KNTC1: variants seen among roughly 807,000 people sequenced by gnomAD.
The protein encoded by KNTC1 is kinetochore-associated protein 1.
KNTC1 carries 253 observed loss-of-function variants against 314.4 expected under a neutral mutation model. The ratio of observed to expected loss-of-function variants is 0.80; its 90% confidence interval spans 0.73 to 0.89. The LOEUF is 0.89. Among genes scored for constraint, KNTC1 ranks in the 40% least tolerant of loss-of-function variants. The probability of loss-of-function intolerance (pLI) is 0.00; values close to 1 mark genes in which losing one functional copy is unlikely to be tolerated. For synonymous variants in KNTC1, 901 were observed against 901.4 expected, an observed-to-expected ratio of 1.00 and a Z score of 0.01; for missense variants, 2,475 against 2,572.9, an observed-to-expected ratio of 0.96 and a Z score of 0.82.
At chr12:122,610,932 T>C (rs751326380) in intron 53 of KNTC1, 32 bp downstream of exon 53, 2 of 1,472,006 alleles carry the variant, frequency 1.4e-6, no homozygotes, top group Non-Finnish European at 1.9e-6. Flanking sequence ...CAAACTCTTC[T>C]GTGCATCTCA....
chr12:122,537,118 C>T (rs2137677412), intron 3 of KNTC1, among the ~76,000 whole-genome samples: 1 of 152,286 alleles, frequency 6.6e-6, no homozygotes, highest in Non-Finnish European at 1.5e-5. Flanking sequence ...TGTCCCTTCC[C>T]TCTTTGCTTT....
At chr12:122,619,476 C>T (rs896231752) in intron 59 of KNTC1, among the ~76,000 whole-genome samples, 1 of 151,500 alleles carries the variant, frequency 6.6e-6, no homozygotes, top group African/African-American at 2.4e-5. Flanking sequence ...GCAGTGGCGC[C>T]ATCTCGGCTC....
At position 122,546,602 on chromosome 12, in the gene KNTC1, T is replaced by A. The variant is rs766661927; in HGVS notation, c.764-20T>A. On this transcript the variant is annotated intron_variant, in intron 9 of 63. Transcript: ENST00000333479. Reference sequence around the variant, plus strand: ...AATATTGAAATAAAATCCTGAGACATCTTATTTTCTCTTTTGTAGGTGCAA... The same window carrying A: ...AATATTGAAATAAAATCCTGAGACAACTTATTTTCTCTTTTGTAGGTGCAA... 3 of 1,504,930 alleles carry A rather than the reference T, an allele frequency of 2.0e-6. No individual in the cohort carries two copies. In the South Asian group the frequency reaches 3.6e-5, roughly 18 times the overall value. 93.2% of individuals were successfully genotyped at this position (1,504,930 alleles called of 1,614,324 possible).
intron 52 of KNTC1, 23 bp downstream of exon 52, chr12:122,609,453 T>A (rs1483292511): frequency 5.5e-6 from 8 of 1,446,930 alleles, no homozygotes; most frequent in African/African-American, 1.4e-5. Context: ...TTTACTTATA[T>A]TCACCTATAT....
At chr12:122,614,745 A>T (rs993095116) in intron 55 of KNTC1, among the ~76,000 whole-genome samples, 1 of 151,960 alleles carries the variant, frequency 6.6e-6, no homozygotes, top group Non-Finnish European at 1.5e-5. Flanking sequence ...TCCAGGCATG[A>T]TGGCGGCCGC....
intron 20 of KNTC1, among the ~76,000 whole-genome samples, chr12:122,565,252 TAAA>T (rs35980710): frequency 1.2e-3 from 164 of 131,784 alleles, no homozygotes; most frequent in Middle Eastern, 3.8e-3. Flanking sequence ...TTTTTTTTTT[TAAA>T]AAAAAAAAAA....
intron 44 of KNTC1, 92 bp from the exon 45 acceptor site, chr12:122,601,444 A>G: frequency 4.5e-6 from 5 of 1,113,822 alleles, no homozygotes; most frequent in Non-Finnish European, 5.0e-6. Flanking sequence ...TGACATTTTT[A>G]TATTTGTAAT....
Position 122,573,026 on chromosome 12 carries a change from C to G in KNTC1, c.2109C>G (p.Asn703Lys), listed in dbSNP as rs760109261. 1 of 1,611,670 alleles carries G rather than the reference C, an allele frequency of 6.2e-7. No homozygotes were observed. The highest frequency in any genetic ancestry group is 2.2e-5 in the East Asian group (1 of 44,838). ...RELITLHRKY[N>K]CKLALSDFEK... ...TGATCACGTTGCATAGGAAGTACAA[C>G]TGCAAATTAGCCCTCTCTGATTTTG... Residue 703 changes from asparagine (N) to lysine (K), a missense_variant, in exon 25 of 64, where the codon AAC becomes AAG. Asn to Lys is a moderately conservative substitution (Grantham distance 94). Coordinates refer to ENST00000333479, the MANE Select transcript of KNTC1 (RefSeq NM_014708.6).
intron 16 of KNTC1, among the ~76,000 whole-genome samples, chr12:122,556,496 T>TC (rs1963603134): frequency 6.7e-6 from 1 of 149,818 alleles, no homozygotes; most frequent in African/African-American, 2.5e-5. Context: ...TTTTTTTTTT[T>TC]TTTTTTTGAG....
chr12:122,605,884 C>T (rs1454155924), intron 51 of KNTC1, among the ~76,000 whole-genome samples: 2 of 151,942 alleles, frequency 1.3e-5, no homozygotes, highest in Non-Finnish European at 2.9e-5. Context: ...CGCTCTGTCA[C>T]CCTGGCAAGT....
chr12:122,533,857 C>G (rs1311829040), intron 2 of KNTC1, among the ~76,000 whole-genome samples: 1 of 150,774 alleles, frequency 6.6e-6, no homozygotes, highest in African/African-American at 2.5e-5. Flanking sequence ...TGAGCATATA[C>G]TATGTGCAGG....
At chr12:122,607,740 C>T (rs1196847639) in intron 51 of KNTC1, among the ~76,000 whole-genome samples, 1 of 152,162 alleles carries the variant, frequency 6.6e-6, no homozygotes, top group Non-Finnish European at 1.5e-5. Context: ...CTTTCCTCTA[C>T]CCCTGCACAC....
In KNTC1 at chr12:122,594,403, A is replaced by G; in HGVS notation, c.4355+18A>G. On this transcript the variant is annotated intron_variant, in intron 43 of 63. Coordinates refer to ENST00000333479, the MANE Select transcript of KNTC1 (RefSeq NM_014708.6). The stretch of plus-strand genomic sequence containing the variant: ...TATTGCAGGTAATTCTTTAAACATT[A>G]ACGGTATTTTTGCTGTTAACAAACT... 2 of 1,369,666 alleles carry G rather than the reference A, an allele frequency of 1.5e-6. No individual in the cohort carries two copies. Among genetic ancestry groups the G allele is most frequent in the Non-Finnish European group, 2.1e-6 (2 of 968,304 alleles). 84.8% of individuals were successfully genotyped at this position (1,369,666 alleles called of 1,614,324 possible).
intron 10 of KNTC1, 38 bp from the exon 11 acceptor site, chr12:122,547,377 A>G (rs758809118): frequency 1.2e-5 from 16 of 1,364,492 alleles, no homozygotes; most frequent in Non-Finnish European, 1.6e-5. Context: ...CTCTGTCTCA[A>G]AAAAAAAGGA....
At chr12:122,607,077 T>G (rs528181651) in intron 51 of KNTC1, among the ~76,000 whole-genome samples, 46 of 152,212 alleles carry the variant, frequency 3.0e-4, no homozygotes, top group Non-Finnish European at 5.3e-4. Context: ...TGTTTTTGTT[T>G]TTTTGACACA....
chr12:122,578,565 C>T (rs919958489), intron 31 of KNTC1, among the ~76,000 whole-genome samples: 1 of 151,970 alleles, frequency 6.6e-6, no homozygotes, highest in Non-Finnish European at 1.5e-5. Flanking sequence ...GGATTACAGG[C>T]GTCCGCCACC....
At chr12:122,583,102 G>C in intron 34 of KNTC1, 117 bp downstream of exon 34, 1 of 905,670 alleles carries the variant, frequency 1.1e-6, no homozygotes, top group Non-Finnish European at 1.7e-6. Flanking sequence ...ACAAGGTCAG[G>C]AGATCAAGAC....
chr12:122,547,300 G>A, intron 10 of KNTC1, 115 bp from the exon 11 acceptor site: 1 of 600,630 alleles, frequency 1.7e-6, no homozygotes, highest in Non-Finnish European at 3.0e-6. Flanking sequence ...GCTTGAACCT[G>A]GGAGGTGGAG....
At chr12:122,549,506 T>G (rs557468947) in intron 12 of KNTC1, among the ~76,000 whole-genome samples, 31 of 152,170 alleles carry the variant, frequency 2.0e-4, no homozygotes, top group Admixed American at 5.2e-4. Flanking sequence ...TAGCTGTGAT[T>G]ACAGATGCAC....
Sources: gnomAD v4.1 joint callset for allele counts (sites outside exome capture counted in the v4.1 genomes callset) on GRCh38, gnomAD v4.1.1 for gene constraint, MANE v1.5 for transcripts, NCBI Gene and HGNC (gene_info 2026-07-23, HGNC 2026-07-21) for gene names.